The following OCLN variants were observed in gnomAD, a reference collection of about 807,000 sequenced individuals.
OCLN encodes phosphatase 1, regulatory subunit 115.
A neutral mutation model predicts 47.9 loss-of-function variants in OCLN; 21 were observed. The ratio of observed to expected loss-of-function variants is 0.44; its 90% CI spans 0.31 to 0.63. The LOEUF (loss-of-function observed/expected upper bound fraction) is 0.63. OCLN is among the 30% of genes least tolerant of loss of function. OCLN has a pLI of 0.08. For missense variants in OCLN, 360 were observed against 571.0 expected, an observed-to-expected ratio of 0.63 and a Z score of 3.77; for synonymous variants, 117 against 198.4, an observed-to-expected ratio of 0.59 and a Z score of 3.45.
At position 69,553,832 on chromosome 5, in the gene OCLN, T is replaced by A; in HGVS notation, c.*161T>A. ...CATCAGTATTGAAGCATTTTATAAA[T>A]CGCTTTTGATAATCAACTGGGCTGA... On this transcript the variant is annotated 3_prime_UTR_variant, in exon 9 of 9. Coordinates refer to ENST00000396442, the MANE Select transcript of OCLN (RefSeq NM_001205254.2). 1.0e-6 allele frequency: 1 copy of A among 982,884 alleles called. No individual in the cohort carries two copies. Among genetic ancestry groups the A allele is most frequent in the Non-Finnish European group, 1.5e-6 (1 of 659,770 alleles). 60.9% of individuals were successfully genotyped at this position (982,884 alleles called of 1,614,324 possible). A position where few individuals can be genotyped will look rare whatever the true frequency, so the allele number is the denominator to read the frequency against.
intron 4 of OCLN, among the ~76,000 whole-genome samples, chr5:69,518,052 T>C (rs1769026791): frequency 6.6e-6 from 1 of 152,258 alleles, no homozygotes; most frequent in Non-Finnish European, 1.5e-5. Context: ...CAGTGAACTT[T>C]GGCCTCTCAT....
intron 4 of OCLN, among the ~76,000 whole-genome samples, chr5:69,524,077 G>A (rs1216921638): frequency 2.0e-5 from 3 of 152,114 alleles, no homozygotes; most frequent in Middle Eastern, 3.2e-3. Flanking sequence ...GAACCTGGGA[G>A]GTGGAGGTTG....
chr5:69,536,898 G>A lies in OCLN; in HGVS notation c.1037+2059G>A, dbSNP rs1769603957. 4.0e-5 allele frequency among the ~76,000 whole-genome samples: 6 copies of A among 151,608 alleles called. No individual in the cohort carries two copies. The South Asian group carries it at 1.3e-3, about 32-fold the overall frequency. On this transcript the variant is annotated intron_variant, in intron 5 of 8. Coordinates refer to ENST00000396442, the MANE Select transcript of OCLN (RefSeq NM_001205254.2). ...CAGGAGAATGGCGTGAACCCGGGAG[G>A]TGGAGCTCCCAGTGAGCCGAGATCG...
chr5:69,501,522 G>A (rs1408941390), intron 1 of OCLN, among the ~76,000 whole-genome samples: 2 of 151,940 alleles, frequency 1.3e-5, no homozygotes, highest in African/African-American at 2.4e-5. Context: ...CCAGCTACTT[G>A]TGAGGCTGAG....
intron 3 of OCLN, among the ~76,000 whole-genome samples, chr5:69,511,373 T>C (rs28431145): frequency 0.79 from 120,150 of 151,766 alleles, 47,879 homozygotes; most frequent in African/African-American, 0.88. Flanking sequence ...TGAGCCACTG[T>C]GCCCGGCCTA....
At chr5:69,508,360 A>G (rs565241508) in intron 2 of OCLN, among the ~76,000 whole-genome samples, 2 of 151,118 alleles carry the variant, frequency 1.3e-5, no homozygotes, top group South Asian at 4.2e-4. Flanking sequence ...TTTTTTTTTG[A>G]GACGGAGTCT....
intron 4 of OCLN, among the ~76,000 whole-genome samples, chr5:69,523,892 T>G (rs534901401): frequency 1.3e-5 from 2 of 152,126 alleles, no homozygotes; most frequent in Admixed American, 1.3e-4. Flanking sequence ...CTGACACTTG[T>G]AATCCCAGCA....
chr5:69,538,000 G>C (rs1312095318), intron 5 of OCLN, among the ~76,000 whole-genome samples: 35 of 59,386 alleles, frequency 5.9e-4, no homozygotes, highest in African/African-American at 2.6e-3. Context: ...TTTTTTTCCT[G>C]TTTCAACTCT....
Position 69,499,860 on chromosome 5 carries a change from C to G in OCLN, c.-68-4317C>G, listed in dbSNP as rs28626257. ...TCGGCCTCCCAAAGTGCTGGGATCA[C>G]AGGCGTGAACCACTGCGCCCAGCTC... On this transcript the variant is annotated intron_variant, in intron 1 of 8. Coordinates refer to ENST00000396442, the MANE Select transcript of OCLN (RefSeq NM_001205254.2). Among the ~76,000 whole-genome samples, 209 of 152,356 alleles carry G rather than the reference C, an allele frequency of 1.4e-3. 1 individual carries two copies. Among genetic ancestry groups the G allele is most frequent in the Middle Eastern group, 6.8e-3 (2 of 294 alleles).
intron 1 of OCLN, among the ~76,000 whole-genome samples, chr5:69,502,862 A>T (rs1234282873): frequency 2.0e-5 from 3 of 152,142 alleles, no homozygotes; most frequent in South Asian, 2.1e-4. Context: ...TTCCTCATGG[A>T]TGCTAACACC....
At chr5:69,531,075 G>A (rs1404509964) in intron 4 of OCLN, among the ~76,000 whole-genome samples, 4 of 152,196 alleles carry the variant, frequency 2.6e-5, no homozygotes, top group East Asian at 1.9e-4. Context: ...GAAAAGGAAC[G>A]ATATTTGCCT....
intron 2 of OCLN, 25 bp downstream of exon 2, chr5:69,504,319 T>A (rs371088927): frequency 6.9e-7 from 1 of 1,439,126 alleles, no homozygotes; most frequent in Non-Finnish European, 9.8e-7. Context: ...CTTTAGTTAT[T>A]CTCTTTTAAA....
At chr5:69,504,789 G>A (rs1363150269) in intron 2 of OCLN, among the ~76,000 whole-genome samples, 1 of 151,798 alleles carries the variant, frequency 6.6e-6, no homozygotes, top group Non-Finnish European at 1.5e-5. Flanking sequence ...ACAAAAATTA[G>A]CTGGCTGTGG....
intron 3 of OCLN, among the ~76,000 whole-genome samples, chr5:69,512,045 A>T (rs945626695): frequency 4.6e-5 from 7 of 151,678 alleles, no homozygotes; most frequent in Middle Eastern, 3.4e-3. Context: ...AAAAAAAAAA[A>T]TTTTTAGTTT....
In OCLN at chr5:69,512,067, A is replaced by G. The variant is rs1470960148; in HGVS notation, c.730-1881A>G. Among the ~76,000 whole-genome samples the G allele has an allele frequency of 2.0e-5, 3 of 151,436 alleles. No individual in the cohort carries two copies. In the East Asian group the frequency reaches 5.8e-4, roughly 29 times the overall value. ...AAAATTTTTAGTTTTGATGATGTCC[A>G]GTTTATTTAATTTTTCTTCTGTTGC... On this transcript the variant is annotated intron_variant, in intron 3 of 8. Coordinates refer to ENST00000396442, the MANE Select transcript of OCLN (RefSeq NM_001205254.2).
intron 1 of OCLN, 60 bp from the exon 2 acceptor site, chr5:69,504,117 A>T: frequency 1.4e-6 from 1 of 736,450 alleles, no homozygotes; most frequent in Non-Finnish European, 2.5e-6. Flanking sequence ...GGGTGGGATG[A>T]AGAAAAGAAA....
chr5:69,506,773 A>C (rs968259851), intron 2 of OCLN, among the ~76,000 whole-genome samples: 3 of 152,198 alleles, frequency 2.0e-5, no homozygotes, highest in African/African-American at 7.2e-5. Flanking sequence ...CCTCCTTACT[A>C]GTGCCTAAAA....
intron 3 of OCLN, among the ~76,000 whole-genome samples, chr5:69,512,031 A>AT (rs1768803243): frequency 1.4e-5 from 1 of 69,388 alleles, no homozygotes; most frequent in Non-Finnish European, 3.0e-5. Context: ...CTCAAAAAAA[A>AT]AAAAAAAAAA....
chr5:69,516,522 GA>G (rs1021067643), intron 4 of OCLN, among the ~76,000 whole-genome samples: 4 of 152,030 alleles, frequency 2.6e-5, no homozygotes, highest in Non-Finnish European at 4.4e-5. Context: ...GGGAGAGGGA[GA>G]GGGGGGAGAG....
Sources: gnomAD v4.1 joint callset for allele counts (sites outside exome capture counted in the v4.1 genomes callset) on GRCh38, gnomAD v4.1.1 for gene constraint, MANE v1.5 for transcripts, NCBI Gene and HGNC (gene_info 2026-07-23, HGNC 2026-07-21) for gene names.